CCSER1: variants seen among roughly 807,000 people sequenced by gnomAD.
The protein encoded by CCSER1 is coiled-coil serine rich protein 1.
CCSER1 carries 41 observed loss-of-function variants against 82.0 expected under a neutral mutation model. The observed-to-expected ratio is 0.50, with a 90% CI of 0.39 to 0.65. The LOEUF (loss-of-function observed/expected upper bound fraction) is 0.65, where lower values mean the gene tolerates loss of function less well. Among genes scored for constraint, CCSER1 ranks in the 30% least tolerant of loss-of-function variants. CCSER1 has a pLI of 0.00. For synonymous variants in CCSER1, 414 were observed against 383.9 expected, an observed-to-expected ratio of 1.08 and a Z score of -0.92; for missense variants, 1,119 against 1,064.2, an observed-to-expected ratio of 1.05 and a Z score of -0.72.
intron 10 of CCSER1, among the ~76,000 whole-genome samples, chr4:91,332,269 T>C (rs577914532): frequency 1.3e-5 from 2 of 152,046 alleles, no homozygotes; most frequent in Admixed American, 1.3e-4. Context: ...CAAAATATAA[T>C]TTTCTTCTTT....
At chr4:90,695,780 T>C (rs1194095453) in intron 6 of CCSER1, among the ~76,000 whole-genome samples, 1 of 152,064 alleles carries the variant, frequency 6.6e-6, no homozygotes, top group East Asian at 1.9e-4. Context: ...CTAGTAATGA[T>C]ATTTATATTT....
intron 7 of CCSER1, among the ~76,000 whole-genome samples, chr4:90,753,065 C>T (rs556445689): frequency 1.3e-5 from 2 of 152,114 alleles, no homozygotes; most frequent in South Asian, 4.1e-4. Flanking sequence ...AACATGTGCA[C>T]TGCACATGAT....
chr4:91,136,253 G>T (rs190633947), intron 10 of CCSER1, among the ~76,000 whole-genome samples: 1 of 152,210 alleles, frequency 6.6e-6, no homozygotes, highest in South Asian at 2.1e-4. Flanking sequence ...TCATACATTT[G>T]CCAGTGTTTT....
chr4:90,838,213 A>T (rs915324188), intron 8 of CCSER1, among the ~76,000 whole-genome samples: 3 of 151,614 alleles, frequency 2.0e-5, no homozygotes, highest in African/African-American at 4.8e-5. Flanking sequence ...ATATAAGAAT[A>T]TGAGTACTTT....
At chr4:91,212,080 C>A (rs7691478) in intron 10 of CCSER1, among the ~76,000 whole-genome samples, 102,509 of 151,772 alleles carry the variant, frequency 0.68, 35,506 homozygotes, top group East Asian at 0.93. Flanking sequence ...GGTCTGGGAA[C>A]ATTGCCTTAA....
rs1318290688 is a variant in CCSER1 at position 91,158,614 on chromosome 4, CTCTT to C, written c.2217+72624_2217+72627del. 2.8e-5 allele frequency among the ~76,000 whole-genome samples: 4 copies of C among 140,866 alleles called. No individual in the cohort carries two copies. The East Asian group carries it at 8.2e-4, about 29-fold the overall frequency. The allele number at this position is 140,866 out of a possible 152,430, so 92.4% of individuals were successfully genotyped here. A position where few individuals can be genotyped will look rare whatever the true frequency, so the allele number is the denominator to read the frequency against. ...AAATTTAAAACATTTCTCTCTCCCT[CTCTT>C]TCTGTGTGTGTGTGTGTGTGTGTGT... On this transcript the variant is annotated intron_variant, in intron 10 of 10. Transcript: ENST00000509176.
intron 6 of CCSER1, among the ~76,000 whole-genome samples, chr4:90,632,345 T>G (rs1159778130): frequency 6.6e-6 from 1 of 152,070 alleles, no homozygotes; most frequent in African/African-American, 2.4e-5. Context: ...TTGGGTTTAA[T>G]AAAAATTTTC....
chr4:91,522,428 A>G (rs1048810991), intron 10 of CCSER1, among the ~76,000 whole-genome samples: 2 of 152,166 alleles, frequency 1.3e-5, no homozygotes, highest in African/African-American at 2.4e-5. Context: ...TGGTAGCTTG[A>G]TGGGGATGGC....
intron 8 of CCSER1, among the ~76,000 whole-genome samples, chr4:90,895,806 A>C (rs1723627953): frequency 6.6e-6 from 1 of 151,942 alleles, no homozygotes; most frequent in Non-Finnish European, 1.5e-5. Flanking sequence ...GTAGTATATC[A>C]TACAAATAGC....
intron 10 of CCSER1, among the ~76,000 whole-genome samples, chr4:91,295,371 A>G (rs1047726215): frequency 3.3e-5 from 5 of 151,958 alleles, no homozygotes; most frequent in African/African-American, 1.2e-4. Context: ...TTTTAAAGAA[A>G]TACAGTATTG....
At chr4:90,798,538 G>GA (rs75172470) in intron 7 of CCSER1, among the ~76,000 whole-genome samples, 52,763 of 151,714 alleles carry the variant, frequency 0.35, 9,553 homozygotes, top group African/African-American at 0.46. Context: ...TCATTTGGTG[G>GA]AAAAAAAGGC....
chr4:91,493,029 G>A (rs963920553), intron 10 of CCSER1, among the ~76,000 whole-genome samples: 2 of 151,904 alleles, frequency 1.3e-5, no homozygotes, highest in African/African-American at 4.8e-5. Context: ...AATGATAGGA[G>A]ATCTCTGAAA....
At chr4:90,593,056 T>C (rs1782895500) in intron 5 of CCSER1, among the ~76,000 whole-genome samples, 1 of 152,174 alleles carries the variant, frequency 6.6e-6, no homozygotes, top group Non-Finnish European at 1.5e-5. Flanking sequence ...AAAATGATCA[T>C]ACTAAAGAGT....
intron 10 of CCSER1, among the ~76,000 whole-genome samples, chr4:91,497,714 T>C (rs571633513): frequency 1.3e-5 from 2 of 151,962 alleles, no homozygotes; most frequent in African/African-American, 4.8e-5. Flanking sequence ...TTTCTTCAGT[T>C]TGACTTTGTT....
At chr4:90,457,707 C>T (rs72885032) in intron 4 of CCSER1, among the ~76,000 whole-genome samples, 10,986 of 152,064 alleles carry the variant, frequency 0.072, 875 homozygotes, top group African/African-American at 0.2. Flanking sequence ...GTTCCATGGG[C>T]GGCCATGGCT....
chr4:90,773,305 C>A (rs1411775588), intron 7 of CCSER1, among the ~76,000 whole-genome samples: 1 of 152,178 alleles, frequency 6.6e-6, no homozygotes, highest in Non-Finnish European at 1.5e-5. Context: ...TAATTCACAT[C>A]ATCTCTATTG....
intron 5 of CCSER1, among the ~76,000 whole-genome samples, chr4:90,532,790 C>G (rs1774724884): frequency 1.3e-5 from 2 of 152,120 alleles, no homozygotes; most frequent in Non-Finnish European, 2.9e-5. Context: ...CTTTATATCT[C>G]TAGACCGTCC....
At chr4:91,178,383 G>C (rs961640635) in intron 10 of CCSER1, among the ~76,000 whole-genome samples, 1 of 135,106 alleles carries the variant, frequency 7.4e-6, no homozygotes, top group South Asian at 2.5e-4. Context: ...ATTCTGTCTC[G>C]TTGATCTGTC....
chr4:91,206,489 A>G (rs1399778066), intron 10 of CCSER1, among the ~76,000 whole-genome samples: 1 of 151,980 alleles, frequency 6.6e-6, no homozygotes, highest in Non-Finnish European at 1.5e-5. Context: ...TGGCCAGTAT[A>G]GAGATATTTG....
Sources: gnomAD v4.1 joint callset for allele counts (sites outside exome capture counted in the v4.1 genomes callset) on GRCh38, gnomAD v4.1.1 for gene constraint, MANE v1.5 for transcripts, NCBI Gene and HGNC (gene_info 2026-07-23, HGNC 2026-07-21) for gene names.